BNC2: variants seen among roughly 807,000 people sequenced by gnomAD.
The protein encoded by BNC2 is zinc finger protein basonuclin-2.
BNC2 carries 20 observed loss-of-function variants against 76.3 expected under a neutral mutation model. That is an observed-to-expected ratio of 0.26 (90% CI 0.18 to 0.38). BNC2 has a LOEUF of 0.38. BNC2 is among the 10% of genes least tolerant of loss of function. The pLI is 1.00. For missense variants in BNC2, 1,382 were observed against 1,399.8 expected, an observed-to-expected ratio of 0.99 and a Z score of 0.20; for synonymous variants, 582 against 514.8, an observed-to-expected ratio of 1.13 and a Z score of -1.77.
rs142960009 is a variant in BNC2, at chr9:16,445,945, A to G, written c.670-8421T>C. Among the ~76,000 whole-genome samples the G allele has an allele frequency of 3.9e-5, 6 of 152,320 alleles. No individual in the cohort carries two copies. In the East Asian group the frequency reaches 1.2e-3, roughly 29 times the overall value. ...CTCTGCCCAAGGGGAAATGAATGCTACAGGAATATCCACCATTAGTTAGAA... is the reference window on the plus strand; with the variant it reads ...CTCTGCCCAAGGGGAAATGAATGCTGCAGGAATATCCACCATTAGTTAGAA... On this transcript the variant is annotated intron_variant, in intron 5 of 6. Transcript: ENST00000380672.
At chr9:16,863,460 C>T (rs1048010667) in intron 1 of BNC2, among the ~76,000 whole-genome samples, 1 of 152,092 alleles carries the variant, frequency 6.6e-6, no homozygotes, top group African/African-American at 2.4e-5. Context: ...TTTGGGAGGC[C>T]GAGGCCAGTG....
Position 16,416,421 on chromosome 9 carries a change from T to C in BNC2, c.*2568A>G. On this transcript the variant is annotated 3_prime_UTR_variant, in exon 7 of 7. Coordinates refer to ENST00000380672, the MANE Select transcript of BNC2 (RefSeq NM_017637.6). ...GACCAAAATGTTTGCAAACAAACTT[T>C]CATTATTCTAGTTCAATCTTTCACA... is the stretch of plus-strand genomic sequence containing the variant. 6.6e-6 allele frequency: 1 copy of C among 152,652 alleles called. No homozygotes were observed. Among genetic ancestry groups the C allele is most frequent in the East Asian group, 1.9e-4 (1 of 5,198 alleles). 9.5% of individuals were successfully genotyped at this position (152,652 alleles called of 1,614,324 possible).
At position 16,766,500 on chromosome 9, in the gene BNC2, C is replaced by G. The variant is rs80204972; in HGVS notation, c.4-28015G>C. Among the ~76,000 whole-genome samples the G allele has an allele frequency of 2.6e-5, 4 of 152,316 alleles. No homozygotes were observed. In the East Asian group the frequency reaches 7.7e-4, roughly 29 times the overall value. ...GGAACCCAGTTCCCACCCAGAACCA[C>G]TTAATGAAAAATTTCTATCTAACTA... On this transcript the variant is annotated intron_variant, in intron 1 of 6. Coordinates refer to ENST00000380672, the MANE Select transcript of BNC2 (RefSeq NM_017637.6).
intron 1 of BNC2, among the ~76,000 whole-genome samples, chr9:16,785,069 T>C (rs1826248669): frequency 6.6e-6 from 1 of 152,218 alleles, no homozygotes; most frequent in South Asian, 2.1e-4. Context: ...TAAAGACAGC[T>C]TCCAGTGTAC....
chr9:16,864,865 G>T (rs1020508437), intron 1 of BNC2, among the ~76,000 whole-genome samples: 5 of 151,964 alleles, frequency 3.3e-5, no homozygotes, highest in African/African-American at 4.8e-5. Context: ...AAATGAATAG[G>T]AATAGTTGAC....
At position 16,411,506 on chromosome 9, in the gene BNC2, G is replaced by C. The variant is rs1417853052; in HGVS notation, c.*7483C>G. ...GGGAGAAAGCTAGTATCAGCGAGCA[G>C]AACTTGTGCAATTTTGGCAACTGGT... On this transcript the variant is annotated 3_prime_UTR_variant, in exon 7 of 7. Transcript: ENST00000380672. 1 of 152,600 alleles carries C rather than the reference G, an allele frequency of 6.6e-6. No homozygotes were observed. Among genetic ancestry groups the C allele is most frequent in the Non-Finnish European group, 1.5e-5 (1 of 68,030 alleles). The allele number at this position is 152,600 out of a possible 1,614,324, so 9.5% of individuals were successfully genotyped here.
At chr9:16,508,991 T>C (rs922313408) in intron 5 of BNC2, among the ~76,000 whole-genome samples, 3 of 152,010 alleles carry the variant, frequency 2.0e-5, no homozygotes, top group Non-Finnish European at 4.4e-5. Flanking sequence ...TGGCTGTTTT[T>C]TTAATTATTA....
At chr9:16,829,634 C>T (rs964028796) in intron 1 of BNC2, among the ~76,000 whole-genome samples, 3 of 152,140 alleles carry the variant, frequency 2.0e-5, no homozygotes, top group African/African-American at 2.4e-5. Flanking sequence ...GATCTATGCC[C>T]AGTGCTAACA....
chr9:16,740,713 A>G (rs1824821915), intron 1 of BNC2, among the ~76,000 whole-genome samples: 1 of 152,218 alleles, frequency 6.6e-6, no homozygotes, highest in South Asian at 2.1e-4. Context: ...GGGAAAAAAG[A>G]GACTATCACA....
Position 16,421,365 on chromosome 9 carries a change from G to C in BNC2, c.2640-1716C>G, listed in dbSNP as rs568004878. ...AGAAAGAAAGAGAAAGAGAGAGAGA[G>C]AAAACAAATTCACATTCTAGACATC... On this transcript the variant is annotated intron_variant, in intron 6 of 6. Coordinates refer to ENST00000380672, the MANE Select transcript of BNC2 (RefSeq NM_017637.6). 2.0e-5 allele frequency: 21 copies of C among 1,027,220 alleles called. 1 individual carries two copies. In the South Asian group the frequency reaches 2.8e-4, roughly 14 times the overall value. The allele number at this position is 1,027,220 out of a possible 1,614,324, so 63.6% of individuals were successfully genotyped here. A position where few individuals can be genotyped will look rare whatever the true frequency, so the allele number is the denominator to read the frequency against.
At chr9:16,630,713 C>T (rs976117990) in intron 3 of BNC2, among the ~76,000 whole-genome samples, 52 of 149,074 alleles carry the variant, frequency 3.5e-4, no homozygotes, top group African/African-American at 1.1e-3. Flanking sequence ...AGTTACACTG[C>T]AAAACCTGTG....
At chr9:16,794,645 T>C (rs927597808) in intron 1 of BNC2, among the ~76,000 whole-genome samples, 1 of 152,142 alleles carries the variant, frequency 6.6e-6, no homozygotes, top group Non-Finnish European at 1.5e-5. Context: ...TGCAATGAAC[T>C]ATAATACTTT....
intron 3 of BNC2, among the ~76,000 whole-genome samples, chr9:16,631,524 C>G (rs1434180459): frequency 6.6e-6 from 1 of 152,156 alleles, no homozygotes; most frequent in Non-Finnish European, 1.5e-5. Flanking sequence ...ACTCCTATAA[C>G]AAGGGACTTA....
chr9:16,575,538 G>A, intron 4 of BNC2: 1 of 681,390 alleles, frequency 1.5e-6, no homozygotes, highest in Non-Finnish European at 1.8e-6. Flanking sequence ...TGTGCAGGCT[G>A]AGAAACAAAT....
chr9:16,843,604 G>A (rs1254628662), intron 1 of BNC2, among the ~76,000 whole-genome samples: 1 of 152,240 alleles, frequency 6.6e-6, no homozygotes, highest in Non-Finnish European at 1.5e-5. Flanking sequence ...GAAGTACTGG[G>A]ATTACAGGCG....
intron 6 of BNC2, among the ~76,000 whole-genome samples, chr9:16,430,159 A>T (rs1315173360): frequency 6.6e-6 from 1 of 151,974 alleles, no homozygotes; most frequent in South Asian, 2.1e-4. Flanking sequence ...AGGTCTATTG[A>T]TCTTGCTCTA....
chr9:16,742,331 C>T (rs772901101), intron 1 of BNC2, among the ~76,000 whole-genome samples: 2 of 152,226 alleles, frequency 1.3e-5, no homozygotes, highest in Non-Finnish European at 2.9e-5. Context: ...AAGTTCCACT[C>T]CTTATTGCCT....
chr9:16,475,892 T>A (rs1484029989), intron 5 of BNC2: 1 of 152,220 alleles, frequency 6.6e-6, no homozygotes, highest in Non-Finnish European at 1.5e-5. Flanking sequence ...CAATTCACCA[T>A]AAATCCTTTT....
intron 5 of BNC2, among the ~76,000 whole-genome samples, chr9:16,511,445 T>TTTAG: frequency 7.2e-6 from 1 of 138,988 alleles, no homozygotes; most frequent in Non-Finnish European, 1.6e-5. Context: ...TTTTTTTTTT[T>TTTAG]GAGGCAGGGT....
Sources: gnomAD v4.1 joint callset for allele counts (sites outside exome capture counted in the v4.1 genomes callset) on GRCh38, gnomAD v4.1.1 for gene constraint, MANE v1.5 for transcripts, NCBI Gene and HGNC (gene_info 2026-07-23, HGNC 2026-07-21) for gene names.